Variants in CMSS1 observed in about 807,000 individuals in gnomAD.
CMSS1 encodes cms1 ribosomal small subunit homolog.
CMSS1 carries 33 observed loss-of-function variants against 43.5 expected under a neutral mutation model. That is an observed-to-expected ratio of 0.76 (90% CI 0.57 to 1.01). CMSS1 has a LOEUF of 1.01. Among genes scored for constraint, CMSS1 ranks in the 50% least tolerant of loss-of-function variants. CMSS1 has a pLI of 0.00. For synonymous variants in CMSS1, 115 were observed against 117.2 expected (o/e 0.98, Z 0.12); for missense variants, 313 against 326.4 (o/e 0.96, Z 0.32).
intron 1 of CMSS1, among the ~76,000 whole-genome samples, chr3:99,968,167 C>G (rs1708709121): frequency 6.6e-6 from 1 of 152,160 alleles, no homozygotes; most frequent in African/African-American, 2.4e-5. Context: ...GAGGATGAGA[C>G]TTCTCCTAAA....
intron 1 of CMSS1, among the ~76,000 whole-genome samples, chr3:99,841,421 T>C (rs1943126613): frequency 6.6e-6 from 1 of 152,222 alleles, no homozygotes. Flanking sequence ...CTCCCTCTAT[T>C]GTTTAGACCT....
chr3:99,827,350 C>T (rs1295294794), intron 1 of CMSS1, among the ~76,000 whole-genome samples: 1 of 152,016 alleles, frequency 6.6e-6, no homozygotes, highest in Non-Finnish European at 1.5e-5. Flanking sequence ...CACCACCAAG[C>T]CCAGCTAATT....
At chr3:99,909,477 T>G (rs1453943571) in intron 1 of CMSS1, among the ~76,000 whole-genome samples, 1 of 152,148 alleles carries the variant, frequency 6.6e-6, no homozygotes, top group Non-Finnish European at 1.5e-5. Context: ...AATAGTTACT[T>G]GTTAACAAAT....
chr3:99,916,437 T>TACACAC lies in CMSS1; in HGVS notation c.64+98437_64+98442dup, dbSNP rs10529210. ...GCCAACACTTTATAATAACGGTTTA[T>TACACAC]ACACACACACACACACACACACACA... On this transcript the variant is annotated intron_variant, in intron 1 of 9. Transcript: ENST00000421999. Among the ~76,000 whole-genome samples, 1,030 of 137,170 alleles carry TACACAC rather than the reference T, an allele frequency of 7.5e-3. 12 individuals carry two copies. Among genetic ancestry groups the TACACAC allele is most frequent in the East Asian group, 0.025 (113 of 4,570 alleles). 90.0% of individuals were successfully genotyped at this position (137,170 alleles called of 152,430 possible).
chr3:100,038,247 C>T (rs950372575), intron 1 of CMSS1, among the ~76,000 whole-genome samples: 4 of 152,144 alleles, frequency 2.6e-5, no homozygotes, highest in Admixed American at 6.5e-5. Context: ...TGAGCCACCA[C>T]GCCCGGCCTC....
At chr3:99,828,387 ACTAAGCACT>A (rs1942575561) in intron 1 of CMSS1, among the ~76,000 whole-genome samples, 1 of 149,056 alleles carries the variant, frequency 6.7e-6, no homozygotes, top group Admixed American at 6.7e-5. Context: ...GAGGCACAAT[ACTAAGCACT>A]CTGTACATAC....
intron 1 of CMSS1, among the ~76,000 whole-genome samples, chr3:99,894,378 C>G (rs1427818959): frequency 6.6e-6 from 1 of 152,168 alleles, no homozygotes; most frequent in Non-Finnish European, 1.5e-5. Flanking sequence ...CAGGTCTGGC[C>G]AGAGGTGGAT....
chr3:100,174,633 G>T (rs2067135055), intron 8 of CMSS1, among the ~76,000 whole-genome samples: 1 of 152,130 alleles, frequency 6.6e-6, no homozygotes, highest in Admixed American at 6.5e-5. Context: ...TGTTTAAAGA[G>T]AATAGTCCCA....
intron 1 of CMSS1, among the ~76,000 whole-genome samples, chr3:99,926,228 C>A (rs1707288865): frequency 6.6e-6 from 1 of 152,208 alleles, no homozygotes; most frequent in Non-Finnish European, 1.5e-5. Context: ...TGAGGTGTCC[C>A]AGCATATAGA....
chr3:100,071,172 C>G (rs909141581), intron 1 of CMSS1, among the ~76,000 whole-genome samples: 3 of 135,064 alleles, frequency 2.2e-5, no homozygotes, highest in African/African-American at 8.4e-5. Flanking sequence ...CTATTTCAGA[C>G]ATATCACTGT....
rs144309847 is a variant in CMSS1, at chr3:99,840,761, C to T, written c.64+22718C>T. Among the ~76,000 whole-genome samples the T allele has an allele frequency of 1.8e-3, 274 of 152,250 alleles. 1 individual carries two copies. The highest frequency in any genetic ancestry group is 6.8e-3 in the Middle Eastern group (2 of 294). ...ATCTTAAAGATCACCAAGTTCAATT[C>T]GCTTATTTCACAAAGGTTAAATGAC... On this transcript the variant is annotated intron_variant, in intron 1 of 9. Transcript: ENST00000421999.
chr3:100,057,545 G>A (rs1559742329), intron 1 of CMSS1, among the ~76,000 whole-genome samples: 2 of 152,148 alleles, frequency 1.3e-5, no homozygotes, highest in East Asian at 1.9e-4. Flanking sequence ...TAAAGTTCTC[G>A]TGATATGTCT....
intron 1 of CMSS1, among the ~76,000 whole-genome samples, chr3:100,060,274 ATGCAAGGAGAAACCATGAGGAGACTCT>A (rs1204864836): frequency 1.8e-4 from 27 of 152,248 alleles, no homozygotes; most frequent in Non-Finnish European, 3.5e-4. Flanking sequence ...GTGAAGTACC[ATGCAAGGAGAAACCATGAGGAGACTCT>A]TGCCTTAGTA....
intron 1 of CMSS1, among the ~76,000 whole-genome samples, chr3:99,941,614 G>A (rs1470703981): frequency 6.6e-6 from 1 of 152,134 alleles, no homozygotes; most frequent in Non-Finnish European, 1.5e-5. Context: ...TAATAAGGGA[G>A]ATGAAACAAC....
intron 1 of CMSS1, among the ~76,000 whole-genome samples, chr3:100,125,000 A>G (rs896586929): frequency 6.6e-6 from 1 of 151,982 alleles, no homozygotes; most frequent in Non-Finnish European, 1.5e-5. Flanking sequence ...TATTCTCTGT[A>G]TTTTAGAGCT....
chr3:100,172,920 A>G (rs1318576329), intron 8 of CMSS1, among the ~76,000 whole-genome samples: 1 of 152,222 alleles, frequency 6.6e-6, no homozygotes, highest in Non-Finnish European at 1.5e-5. Context: ...ACTTTCTCAA[A>G]GCCAGTAGCC....
intron 1 of CMSS1, among the ~76,000 whole-genome samples, chr3:100,067,446 A>G (rs1031923721): frequency 1.3e-5 from 2 of 152,172 alleles, no homozygotes; most frequent in African/African-American, 4.8e-5. Flanking sequence ...CCTGGCTCCA[A>G]TTATTCCCAT....
intron 1 of CMSS1, among the ~76,000 whole-genome samples, chr3:99,957,467 G>T (rs1193380213): frequency 2.6e-5 from 4 of 152,024 alleles, no homozygotes; most frequent in Non-Finnish European, 5.9e-5. Flanking sequence ...TATATATAGA[G>T]AGAGAGACAT....
At chr3:100,110,310 T>C (rs2066469202) in intron 1 of CMSS1, among the ~76,000 whole-genome samples, 1 of 152,000 alleles carries the variant, frequency 6.6e-6, no homozygotes, top group South Asian at 2.1e-4. Flanking sequence ...AACCTGTCAG[T>C]TTAATATCAT....
Sources: gnomAD v4.1 joint callset for allele counts (sites outside exome capture counted in the v4.1 genomes callset) on GRCh38, gnomAD v4.1.1 for gene constraint, MANE v1.5 for transcripts, NCBI Gene and HGNC (gene_info 2026-07-23, HGNC 2026-07-21) for gene names.